The following PPP2CB variants were observed in gnomAD, a reference collection of about 807,000 sequenced individuals.
PPP2CB encodes the protein serine/threonine-protein phosphatase 2A catalytic subunit beta isoform.
A neutral mutation model predicts 39.1 loss-of-function variants in PPP2CB; 18 were observed. The observed-to-expected ratio is 0.46, with a 90% CI of 0.32 to 0.68. The LOEUF is 0.68. PPP2CB is among the 30% of genes least tolerant of loss of function. The probability of loss-of-function intolerance (pLI) is 0.04; values close to 1 mark genes in which losing one functional copy is unlikely to be tolerated. For missense variants in PPP2CB, 226 were observed against 396.9 expected, an observed-to-expected ratio of 0.57 and a Z score of 3.66; for synonymous variants, 129 against 133.8, an observed-to-expected ratio of 0.96 and a Z score of 0.25.
At chr8:30,799,883 G>C (rs1219079737) in intron 1 of PPP2CB, 128 bp from the exon 2 acceptor site, 2 of 683,978 alleles carry the variant, frequency 2.9e-6, no homozygotes, top group Non-Finnish European at 2.5e-6. Context: ...CAAACCACGA[G>C]ATAACACTTT....
intron 1 of PPP2CB, 140 bp downstream of exon 1, chr8:30,812,180 G>T: frequency 2.2e-6 from 1 of 453,064 alleles, no homozygotes; most frequent in Non-Finnish European, 3.3e-6. Context: ...CCGCCTAGGT[G>T]GACGCCGGAG....
At chr8:30,808,744 G>A (rs4733517) in intron 1 of PPP2CB, among the ~76,000 whole-genome samples, 8,458 of 151,968 alleles carry the variant, frequency 0.056, 494 homozygotes, top group Admixed American at 0.18. Flanking sequence ...GGGTTCTATA[G>A]CCACTATATA....
chr8:30,800,612 A>C (rs1806604889), intron 1 of PPP2CB, among the ~76,000 whole-genome samples: 1 of 152,228 alleles, frequency 6.6e-6, no homozygotes, highest in Non-Finnish European at 1.5e-5. Context: ...GAAGTTCACT[A>C]ATGGCTCATC....
rs1311755565 is a variant in PPP2CB, at chr8:30,797,786, A to G, written c.313-32T>C. On this transcript the variant is annotated intron_variant, in intron 2 of 6. Transcript: ENST00000221138. Reference sequence around the variant, plus strand: ...GAAAAGGAGTAAAACCCATAGTAAAATCACATTTTTACTAGTGTCATGTGA... The same window carrying G: ...GAAAAGGAGTAAAACCCATAGTAAAGTCACATTTTTACTAGTGTCATGTGA... 1.1e-5 allele frequency: 18 copies of G among 1,601,638 alleles called. 1 individual carries two copies. Among genetic ancestry groups the G allele is most frequent in the Non-Finnish European group, 1.5e-5 (18 of 1,174,948 alleles).
intron 6 of PPP2CB, among the ~76,000 whole-genome samples, chr8:30,787,182 C>T (rs960040828): frequency 6.6e-6 from 1 of 152,036 alleles, no homozygotes; most frequent in African/African-American, 2.4e-5. Flanking sequence ...GTTGCTGGTA[C>T]GTATGTTGGA....
intron 6 of PPP2CB, 150 bp downstream of exon 6, chr8:30,791,047 A>T: frequency 5.4e-6 from 3 of 558,422 alleles, no homozygotes; most frequent in Non-Finnish European, 9.3e-6. Context: ...ATTATTTTTT[A>T]AAAATAATGT....
At chr8:30,811,990 A>G (rs1225012793) in intron 1 of PPP2CB, among the ~76,000 whole-genome samples, 1 of 151,944 alleles carries the variant, frequency 6.6e-6, no homozygotes, top group Non-Finnish European at 1.5e-5. Flanking sequence ...GGAACTCCCC[A>G]GTGGAGCGCA....
At chr8:30,812,214 C>A in intron 1 of PPP2CB, 106 bp downstream of exon 1, 1 of 790,564 alleles carries the variant, frequency 1.3e-6, no homozygotes, top group African/African-American at 1.8e-5. Flanking sequence ...CCCGCAGGCC[C>A]CCGGTGGGCC....
Position 30,793,938 on chromosome 8 carries a change from A to C in PPP2CB, c.717T>G (p.Arg239=), listed in dbSNP as rs375031947. The C allele has an allele frequency of 2.0e-4, 328 of 1,613,220 alleles. 2 individuals are homozygous for C. The South Asian group carries it at 2.3e-3, about 11-fold the overall frequency. The change falls in exon 5 of 7, where the codon CGT becomes CGG. Residue 239 remains arginine (R), a synonymous_variant. Transcript: ENST00000221138. The stretch of plus-strand genomic sequence containing the variant: ...ATACCTCCATTACAAGCTGGTGGGC[A>C]CGAGAAACCAGTGTGAGACCATTGG... ...NHANGLTLVS[R]AHQLVMEGYN...
intron 6 of PPP2CB, among the ~76,000 whole-genome samples, chr8:30,787,233 T>C (rs576184027): frequency 1.3e-5 from 2 of 152,366 alleles, no homozygotes; most frequent in East Asian, 3.9e-4. Context: ...TGGTCTGTTT[T>C]TGCCTTTGTC....
rs1043021359 is a variant in PPP2CB, at chr8:30,805,166, C to T, written c.103-5411G>A. The stretch of plus-strand genomic sequence containing the variant: ...GCCTCTTTTGCTACTCAAGCCAAGT[C>T]GAGAATACACTGAACCAATTCTGAG... On this transcript the variant is annotated intron_variant, in intron 1 of 6. Coordinates refer to ENST00000221138, the MANE Select transcript of PPP2CB (RefSeq NM_001009552.2). Among the ~76,000 whole-genome samples the T allele has an allele frequency of 7.9e-5, 12 of 152,184 alleles. 1 individual carries two copies. The highest frequency in any genetic ancestry group is 2.4e-4 in the African/African-American group (10 of 41,446).
chr8:30,808,390 T>C (rs935351977), intron 1 of PPP2CB, among the ~76,000 whole-genome samples: 4 of 152,022 alleles, frequency 2.6e-5, no homozygotes, highest in Non-Finnish European at 5.9e-5. Flanking sequence ...TGAGCCACCA[T>C]GACCAGCCGA....
chr8:30,809,524 A>G (rs1806787994), intron 1 of PPP2CB, among the ~76,000 whole-genome samples: 1 of 152,176 alleles, frequency 6.6e-6, no homozygotes, highest in Admixed American at 6.5e-5. Context: ...AAAAGAGTAG[A>G]GAGAAATGAG....
At chr8:30,809,039 T>A (rs1017973297) in intron 1 of PPP2CB, among the ~76,000 whole-genome samples, 2 of 148,750 alleles carry the variant, frequency 1.3e-5, no homozygotes, top group Non-Finnish European at 3.0e-5. Context: ...TGTCTCAGCC[T>A]CCCAAGTAGC....
chr8:30,799,516 G>GA (rs763356291), intron 2 of PPP2CB, 30 bp downstream of exon 2: 810 of 1,553,102 alleles, frequency 5.2e-4, no homozygotes, highest in Admixed American at 6.2e-4. Flanking sequence ...TTTAAATCTT[G>GA]AAAAAAAAAT....
intron 5 of PPP2CB, 75 bp downstream of exon 5, chr8:30,793,842 G>T (rs1321863455): frequency 7.1e-7 from 1 of 1,417,626 alleles, no homozygotes; most frequent in African/African-American, 1.4e-5. Flanking sequence ...ATGTTTCTTA[G>T]TTAAGTCATA....
chr8:30,797,531 T>A, intron 3 of PPP2CB, 50 bp downstream of exon 3: 1 of 1,503,630 alleles, frequency 6.7e-7, no homozygotes, highest in Non-Finnish European at 9.0e-7. Context: ...CAATAGTCAA[T>A]CTCTGCTTCC....
intron 1 of PPP2CB, among the ~76,000 whole-genome samples, chr8:30,802,998 A>G (rs1274909260): frequency 1.3e-5 from 2 of 152,228 alleles, no homozygotes; most frequent in Non-Finnish European, 2.9e-5. Flanking sequence ...TTAGTGACAT[A>G]AAGAAGTGAA....
At chr8:30,797,449 A>G in intron 3 of PPP2CB, 132 bp downstream of exon 3, 4 of 877,550 alleles carry the variant, frequency 4.6e-6, no homozygotes, top group Non-Finnish European at 5.0e-6. Context: ...AATTTTAAGT[A>G]TAAGGGAAGG....
Sources: gnomAD v4.1 joint callset for allele counts (sites outside exome capture counted in the v4.1 genomes callset) on GRCh38, gnomAD v4.1.1 for gene constraint, MANE v1.5 for transcripts, NCBI Gene and HGNC (gene_info 2026-07-23, HGNC 2026-07-21) for gene names.